Variants in TMED2 observed in about 807,000 individuals in gnomAD.
TMED2 encodes the protein transmembrane p24 trafficking protein 2.
In TMED2, 3 loss-of-function variants were observed where a neutral mutation model predicts 17.5. The ratio of observed to expected loss-of-function variants is 0.17; its 90% confidence interval spans 0.08 to 0.44. The LOEUF (loss-of-function observed/expected upper bound fraction) is 0.44, where lower values mean the gene tolerates loss of function less well. Ranked by LOEUF, TMED2 falls within the 20% of genes least tolerant of loss-of-function variation. The pLI is 0.99. For synonymous variants in TMED2, 95 were observed against 91.0 expected (o/e 1.04, Z -0.25); for missense variants, 149 against 254.8 (o/e 0.58, Z 2.83).
At chr12:123,594,580 C>A (rs1245339493) in intron 3 of TMED2, among the ~76,000 whole-genome samples, 6 of 151,832 alleles carry the variant, frequency 4.0e-5, no homozygotes, top group Non-Finnish European at 8.8e-5. Flanking sequence ...CAACACGAGA[C>A]CGTTTTTAAA....
At chr12:123,590,271 C>A (rs867277064) in intron 2 of TMED2, 71 bp from the exon 3 acceptor site, 3 of 1,225,020 alleles carry the variant, frequency 2.4e-6, no homozygotes, top group Admixed American at 5.1e-5. Context: ...GGCAACAGAG[C>A]GAGACTCTGT....
At chr12:123,590,073 A>T (rs968695446) in intron 2 of TMED2, among the ~76,000 whole-genome samples, 2 of 151,970 alleles carry the variant, frequency 1.3e-5, no homozygotes, top group Non-Finnish European at 1.5e-5. Context: ...ACCTGAGGTC[A>T]GGAGTTCAAG....
intron 2 of TMED2, chr12:123,587,514 C>G (rs1232054303): frequency 1.4e-5 from 13 of 922,254 alleles, no homozygotes; most frequent in Non-Finnish European, 1.8e-5. Context: ...TTTGCTAATC[C>G]TGGCATATAC....
chr12:123,594,854 T>G (rs1449807856), intron 3 of TMED2, among the ~76,000 whole-genome samples: 2 of 151,244 alleles, frequency 1.3e-5, no homozygotes, highest in South Asian at 4.2e-4. Context: ...GTCATTGCAC[T>G]CCAGCCTGGG....
At chr12:123,591,330 G>A (rs1174954127) in intron 3 of TMED2, among the ~76,000 whole-genome samples, 1 of 152,202 alleles carries the variant, frequency 6.6e-6, no homozygotes, top group Non-Finnish European at 1.5e-5. Context: ...GTGTTAGGTT[G>A]CAAAAGTCTG....
intron 1 of TMED2, 144 bp downstream of exon 1, chr12:123,584,960 C>G (rs1435090161): frequency 9.5e-7 from 1 of 1,047,744 alleles, no homozygotes; most frequent in African/African-American, 1.6e-5. Context: ...CGCCACCCCC[C>G]GCCCCGCCCC....
At chr12:123,591,006 T>G (rs61954885) in intron 3 of TMED2, among the ~76,000 whole-genome samples, 1 of 151,898 alleles carries the variant, frequency 6.6e-6, no homozygotes, top group East Asian at 1.9e-4. Flanking sequence ...AAAAAAAGTT[T>G]GGGTTTTTAA....
Position 123,596,676 on chromosome 12 carries a change from T to C in TMED2, c.553T>C (p.Leu185=), listed in dbSNP as rs991859639. 7 of 1,611,788 alleles carry C rather than the reference T, an allele frequency of 4.3e-6. No individual in the cohort carries two copies. Among genetic ancestry groups the C allele is most frequent in the Middle Eastern group, 1.7e-4 (1 of 6,052 alleles). ...FEALVLVAMT[L]GQIYYLKRFF... ...AGCTCTTGTTCTAGTTGCCATGACA[T>C]TGGGACAGATCTACTACCTGAAGAG... The change falls in exon 4 of 4, where the codon TTG becomes CTG. Residue 185 remains leucine (L), a synonymous_variant. Coordinates refer to ENST00000262225, the MANE Select transcript of TMED2 (RefSeq NM_006815.4).
chr12:123,593,142 G>C (rs906861983), intron 3 of TMED2, among the ~76,000 whole-genome samples: 2 of 152,182 alleles, frequency 1.3e-5, no homozygotes, highest in African/African-American at 4.8e-5. Context: ...TGCCTAGGCT[G>C]GTCTTGAACT....
chr12:123,593,524 C>T (rs758881100), intron 3 of TMED2, among the ~76,000 whole-genome samples: 3 of 152,182 alleles, frequency 2.0e-5, no homozygotes, highest in Non-Finnish European at 4.4e-5. Flanking sequence ...TAATATAGGA[C>T]GTTTCAATGG....
In TMED2 at chr12:123,584,607, C is replaced by G. The variant is rs1352228199; in HGVS notation, c.-30C>G. On this transcript the variant is annotated 5_prime_UTR_variant, in exon 1 of 4. Coordinates refer to ENST00000262225, the MANE Select transcript of TMED2 (RefSeq NM_006815.4). ...CGGCGGCGGCTGTGGAGGCCGCAGT[C>G]CGGGTCCTGGCTTCGGCCTCAGCCC... 6.3e-6 allele frequency: 10 copies of G among 1,597,098 alleles called. No homozygotes were observed. Among genetic ancestry groups the G allele is most frequent in the South Asian group, 4.4e-5 (4 of 90,342 alleles).
chr12:123,584,984 T>A, intron 1 of TMED2, 168 bp downstream of exon 1: 1 of 822,190 alleles, frequency 1.2e-6, no homozygotes, highest in Non-Finnish European at 1.8e-6. Context: ...CACGGCGACC[T>A]CCTAACGGCC....
chr12:123,584,630 C>T lies in TMED2; in HGVS notation c.-7C>T, dbSNP rs1445874981. The stretch of plus-strand genomic sequence containing the variant: ...GTCCGGGTCCTGGCTTCGGCCTCAG[C>T]CCCACCATGGTGACGCTTGCTGAAC... On this transcript the variant is annotated 5_prime_UTR_variant, in exon 1 of 4. Coordinates refer to ENST00000262225, the MANE Select transcript of TMED2 (RefSeq NM_006815.4). 2 of 1,608,634 alleles carry T rather than the reference C, an allele frequency of 1.2e-6. No homozygotes were observed. Among genetic ancestry groups the T allele is most frequent in the African/African-American group, 1.3e-5 (1 of 74,848 alleles).
chr12:123,587,754 C>T, intron 2 of TMED2: 1 of 772,532 alleles, frequency 1.3e-6, no homozygotes, highest in South Asian at 1.9e-5. Context: ...TCTTAAAAAA[C>T]CCCTACAACT....
intron 2 of TMED2, chr12:123,587,578 T>C (rs1953359662): frequency 7.1e-6 from 9 of 1,270,502 alleles, no homozygotes; most frequent in Non-Finnish European, 8.1e-6. Flanking sequence ...TTGTTGGTTC[T>C]TTTTGTGTTA....
At chr12:123,587,696 G>A (rs1003414020) in intron 2 of TMED2, 9 of 1,225,652 alleles carry the variant, frequency 7.3e-6, no homozygotes, top group Non-Finnish European at 9.4e-6. Flanking sequence ...TCTAATTTCT[G>A]CTTTCTTTTT....
intron 3 of TMED2, among the ~76,000 whole-genome samples, chr12:123,591,055 T>C (rs1166833091): frequency 1.3e-5 from 2 of 151,244 alleles, no homozygotes; most frequent in Non-Finnish European, 2.9e-5. Flanking sequence ...AATTGTTTTC[T>C]TAAATCAGAA....
intron 2 of TMED2, among the ~76,000 whole-genome samples, chr12:123,587,810 GA>G (rs1174092698): frequency 6.6e-6 from 1 of 152,132 alleles, no homozygotes; most frequent in Non-Finnish European, 1.5e-5. Context: ...TCGTTGACAG[GA>G]GGTATAGGTT....
chr12:123,589,491 T>C (rs752699332), intron 2 of TMED2, among the ~76,000 whole-genome samples: 2 of 152,230 alleles, frequency 1.3e-5, no homozygotes, highest in African/African-American at 4.8e-5. Flanking sequence ...CTGTAGTTAA[T>C]AGTCAGTATA....
Sources: allele counts gnomAD v4.1 joint callset (sites outside exome capture counted in the v4.1 genomes callset), GRCh38; gene constraint gnomAD v4.1.1; transcripts MANE v1.5; gene names NCBI Gene and HGNC (gene_info 2026-07-23, HGNC 2026-07-21).